MACROD2: variants seen among roughly 807,000 people sequenced by gnomAD.
The protein encoded by MACROD2 is ADP-ribose glycohydrolase MACROD2.
MACROD2 carries 36 observed loss-of-function variants against 70.4 expected under a neutral mutation model. That is an observed-to-expected ratio of 0.51 (90% CI 0.39 to 0.68). The LOEUF (loss-of-function observed/expected upper bound fraction) is 0.68, where lower values mean the gene tolerates loss of function less well. Ranked by LOEUF, MACROD2 falls within the 30% of genes least tolerant of loss-of-function variation. The pLI, the probability that MACROD2 is intolerant of heterozygous loss-of-function variation, is 0.00. For missense variants in MACROD2, 496 were observed against 538.4 expected (o/e 0.92, Z 0.78); for synonymous variants, 172 against 178.8 (o/e 0.96, Z 0.30).
intron 5 of MACROD2, among the ~76,000 whole-genome samples, chr20:15,131,046 A>G (rs1253695868): frequency 2.0e-5 from 3 of 152,114 alleles, no homozygotes; most frequent in Non-Finnish European, 4.4e-5. Flanking sequence ...GACCCCTGGT[A>G]TAAGCAGAAC....
intron 8 of MACROD2, among the ~76,000 whole-genome samples, chr20:15,654,797 C>T (rs976188333): frequency 1.3e-5 from 2 of 152,182 alleles, no homozygotes; most frequent in Non-Finnish European, 2.9e-5. Flanking sequence ...CCAATTAGTG[C>T]CCCTTGTATC....
chr20:15,373,829 T>C (rs1793171162), intron 6 of MACROD2, among the ~76,000 whole-genome samples: 1 of 152,222 alleles, frequency 6.6e-6, no homozygotes, highest in African/African-American at 2.4e-5. Flanking sequence ...ACATTGTATA[T>C]TTATGTGTAT....
chr20:15,144,516 C>G (rs1455648174), intron 5 of MACROD2, among the ~76,000 whole-genome samples: 1 of 152,160 alleles, frequency 6.6e-6, no homozygotes, highest in East Asian at 1.9e-4. Flanking sequence ...AACACAATGA[C>G]CTTTTTGTTG....
intron 8 of MACROD2, among the ~76,000 whole-genome samples, chr20:15,767,885 C>T (rs181546519): frequency 1.2e-4 from 18 of 152,282 alleles, no homozygotes; most frequent in Admixed American, 1.1e-3. Context: ...CAAAGACATT[C>T]ACAACCCCTG....
At position 15,795,917 on chromosome 20, in the gene MACROD2, C is replaced by T. The variant is rs190904643; in HGVS notation, c.646-66828C>T. On this transcript the variant is annotated intron_variant, in intron 8 of 17. Transcript: ENST00000684519. ...CAGTCCTTACCTCTCACTCATAATG[C>T]CACATTAGCATTTCTATTCTCATGC... Among the ~76,000 whole-genome samples the T allele has an allele frequency of 2.2e-3, 339 of 152,290 alleles. 3 individuals are homozygous for T. The highest frequency in any genetic ancestry group is 7.6e-3 in the African/African-American group (314 of 41,564).
chr20:15,458,619 G>T (rs1446613657), intron 7 of MACROD2, among the ~76,000 whole-genome samples: 25 of 132,584 alleles, frequency 1.9e-4, no homozygotes, highest in African/African-American at 3.5e-4. Context: ...CTGTTTTTTT[G>T]TTTTTTTGTT....
intron 3 of MACROD2, among the ~76,000 whole-genome samples, chr20:14,107,398 G>A (rs903953178): frequency 6.6e-5 from 10 of 152,078 alleles, no homozygotes; most frequent in African/African-American, 2.4e-4. Flanking sequence ...ATGCCTACAC[G>A]ATCTAGAAAA....
intron 5 of MACROD2, among the ~76,000 whole-genome samples, chr20:15,182,421 G>A (rs1474095388): frequency 2.0e-5 from 3 of 152,058 alleles, no homozygotes; most frequent in Non-Finnish European, 4.4e-5. Context: ...AAAAATGTGG[G>A]CCAGGAAACC....
In MACROD2 at chr20:14,010,981, A is replaced by C. The variant is rs75662610; in HGVS notation, c.163+8577A>C. Among the ~76,000 whole-genome samples the C allele has an allele frequency of 9.1e-3, 1,388 of 152,186 alleles. 66 individuals are homozygous for C. The East Asian group carries it at 0.13, about 14-fold the overall frequency. ...AATTTTCAGTGGTGTAATTCTTCCA[A>C]ACTTTCATGATGTTCTATCAGGGTT... is the stretch of plus-strand genomic sequence containing the variant. On this transcript the variant is annotated intron_variant, in intron 2 of 17. Coordinates refer to ENST00000684519, the MANE Select transcript of MACROD2 (RefSeq NM_001351661.2).
chr20:15,819,225 A>ATATT (rs1032676721), intron 8 of MACROD2, among the ~76,000 whole-genome samples: 2 of 145,792 alleles, frequency 1.4e-5, no homozygotes, highest in Non-Finnish European at 3.0e-5. Context: ...AAAAATATAT[A>ATATT]TATTTATATA....
At chr20:15,662,011 C>G (rs2049828644) in intron 8 of MACROD2, among the ~76,000 whole-genome samples, 1 of 152,182 alleles carries the variant, frequency 6.6e-6, no homozygotes, top group Non-Finnish European at 1.5e-5. Context: ...TTAAAATTTA[C>G]CACTTGTTAC....
chr20:15,099,474 C>G (rs1276353016), intron 5 of MACROD2, among the ~76,000 whole-genome samples: 1 of 152,150 alleles, frequency 6.6e-6, no homozygotes, highest in African/African-American at 2.4e-5. Context: ...GGAAGACAGT[C>G]CTTGCCAAGA....
intron 8 of MACROD2, among the ~76,000 whole-genome samples, chr20:15,617,810 T>C (rs918649532): frequency 5.9e-5 from 9 of 152,098 alleles, no homozygotes; most frequent in African/African-American, 2.2e-4. Context: ...CTGGTTGTGT[T>C]AGGTAGGGAA....
chr20:15,155,803 C>A (rs1246823450), intron 5 of MACROD2, among the ~76,000 whole-genome samples: 2 of 151,846 alleles, frequency 1.3e-5, no homozygotes, highest in Admixed American at 6.6e-5. Context: ...TTCCTTAGAA[C>A]TATAATCTCT....
chr20:14,100,632 ATT>A (rs937480901), intron 3 of MACROD2, among the ~76,000 whole-genome samples: 8 of 142,000 alleles, frequency 5.6e-5, no homozygotes, highest in Non-Finnish European at 9.1e-5. Flanking sequence ...AAAAATATAT[ATT>A]TTTTTTATTT....
intron 4 of MACROD2, among the ~76,000 whole-genome samples, chr20:14,565,846 C>T (rs943831047): frequency 4.6e-5 from 7 of 151,892 alleles, no homozygotes; most frequent in Admixed American, 2.0e-4. Context: ...CCTCCTCTTC[C>T]ACATATCCGG....
At chr20:13,996,524 G>T (rs2052659354) in intron 1 of MACROD2, 1 of 152,532 alleles carries the variant, frequency 6.6e-6, no homozygotes, top group East Asian at 1.9e-4. Context: ...CTCAGAGTAA[G>T]ATTTTGTGAC....
intron 15 of MACROD2, among the ~76,000 whole-genome samples, chr20:16,028,923 C>T (rs1601347881): frequency 1.3e-5 from 2 of 152,264 alleles, no homozygotes; most frequent in East Asian, 3.9e-4. Flanking sequence ...CAAGTGTATC[C>T]ATCTGCTCGG....
rs186963209 is a variant in MACROD2 at position 14,584,348 on chromosome 20, G to A, written c.301+90840G>A. 5.9e-3 allele frequency among the ~76,000 whole-genome samples: 897 copies of A among 152,192 alleles called. 8 individuals carry two copies. The highest frequency in any genetic ancestry group is 9.6e-3 in the Admixed American group (147 of 15,288). On this transcript the variant is annotated intron_variant, in intron 4 of 17. Coordinates refer to ENST00000684519, the MANE Select transcript of MACROD2 (RefSeq NM_001351661.2). ...TATAGTAAATGTGGGCTGTGTTTTA[G>A]TTAGGGTTGCTATAATAAATACCAT...
Sources: allele counts gnomAD v4.1 joint callset (sites outside exome capture counted in the v4.1 genomes callset), GRCh38; gene constraint gnomAD v4.1.1; transcripts MANE v1.5; gene names NCBI Gene and HGNC (gene_info 2026-07-23, HGNC 2026-07-21).